Variants in PVT1 observed in about 807,000 individuals in gnomAD.
PVT1 encodes CXCR4/PVT1 fusion.
At chr8:127,998,120 G>A (rs931193912) in intron 4 of PVT1, 3 of 152,192 alleles carry the variant, frequency 2.0e-5, no homozygotes, top group African/African-American at 7.2e-5. Flanking sequence ...CTGCTGTAGT[G>A]GTTGTCAGGT....
chr8:127,830,638 C>T (rs1025728700), intron 2 of PVT1, among the ~76,000 whole-genome samples: 2 of 151,786 alleles, frequency 1.3e-5, no homozygotes, highest in Non-Finnish European at 2.9e-5. Flanking sequence ...AGTCCTAGCA[C>T]GTTGCGGGGC....
intron 2 of PVT1, among the ~76,000 whole-genome samples, chr8:127,799,146 T>C (rs1024166377): frequency 6.6e-6 from 1 of 151,948 alleles, no homozygotes; most frequent in African/African-American, 2.4e-5. Context: ...GGGGGAGGTA[T>C]GGCATATTGT....
chr8:127,900,364 T>TAA (rs111480918), intron 3 of PVT1, among the ~76,000 whole-genome samples: 24 of 149,358 alleles, frequency 1.6e-4, no homozygotes, highest in African/African-American at 5.4e-4. Flanking sequence ...TTAAAGAAAT[T>TAA]TAAAAAAAAA....
chr8:127,815,297 T>C (rs956812262), intron 2 of PVT1, among the ~76,000 whole-genome samples: 2 of 152,214 alleles, frequency 1.3e-5, no homozygotes, highest in African/African-American at 4.8e-5. Flanking sequence ...TATATCTCCG[T>C]TGTAGCCTGT....
At chr8:128,051,502 A>G (rs953018416) in intron 4 of PVT1, among the ~76,000 whole-genome samples, 1 of 152,004 alleles carries the variant, frequency 6.6e-6, no homozygotes, top group Non-Finnish European at 1.5e-5. Context: ...GGAGAGTTCT[A>G]TGTATTTTTT....
intron 3 of PVT1, among the ~76,000 whole-genome samples, chr8:127,916,912 G>A (rs538219074): frequency 2.0e-5 from 3 of 152,278 alleles, no homozygotes; most frequent in African/African-American, 4.8e-5. Context: ...GTATCGTTTC[G>A]GTTCTGATAG....
intron 3 of PVT1, among the ~76,000 whole-genome samples, chr8:127,984,754 A>G (rs749502301): frequency 8.6e-5 from 13 of 152,032 alleles, no homozygotes; most frequent in Admixed American, 2.0e-4. Context: ...TTACAGGCAT[A>G]CGCCACCATG....
intron 2 of PVT1, among the ~76,000 whole-genome samples, chr8:127,805,228 C>T (rs918213900): frequency 6.6e-6 from 1 of 152,080 alleles, no homozygotes; most frequent in African/African-American, 2.4e-5. Context: ...CTGTGCCCAG[C>T]CGTCCATGTC....
chr8:127,950,056 C>T (rs1816486998), intron 3 of PVT1, among the ~76,000 whole-genome samples: 1 of 152,266 alleles, frequency 6.6e-6, no homozygotes, highest in Non-Finnish European at 1.5e-5. Flanking sequence ...CATTAGAAAG[C>T]TCATTTATTG....
intron 3 of PVT1, among the ~76,000 whole-genome samples, chr8:127,927,425 C>G (rs1201104842): frequency 6.6e-6 from 1 of 152,224 alleles, no homozygotes; most frequent in African/African-American, 2.4e-5. Flanking sequence ...TCTTCCTTTT[C>G]TCTCTGACCT....
rs73355262 is a variant in PVT1, at chr8:127,855,302, C to T, written n.373-35287C>T. The stretch of plus-strand genomic sequence containing the variant: ...ATGGAGAAGCAGCTGGGGGCCTTGG[C>T]TGTAAGGACCCCTAAGGGTTAGTGT... On this transcript the variant is annotated intron_variant and non_coding_transcript_variant, in intron 2 of 10. Transcript: ENST00000651587. 4.8e-3 allele frequency: 1,918 copies of T among 398,304 alleles called. 35 individuals carry two copies. Among genetic ancestry groups the T allele is most frequent in the African/African-American group, 0.035 (1,712 of 48,708 alleles). 24.7% of individuals were successfully genotyped at this position (398,304 alleles called of 1,614,324 possible). A position where few individuals can be genotyped will look rare whatever the true frequency, so the allele number is the denominator to read the frequency against.
At chr8:127,953,142 G>C (rs1367173264) in intron 3 of PVT1, among the ~76,000 whole-genome samples, 1 of 152,216 alleles carries the variant, frequency 6.6e-6, no homozygotes, top group Non-Finnish European at 1.5e-5. Flanking sequence ...ACAAGGACCT[G>C]TCTGGAATTT....
intron 4 of PVT1, among the ~76,000 whole-genome samples, chr8:128,068,371 T>A (rs1813937448): frequency 6.6e-6 from 1 of 152,074 alleles, no homozygotes; most frequent in African/African-American, 2.4e-5. Flanking sequence ...ACAGACCTCA[T>A]ATGAGGAAAA....
intron 3 of PVT1, among the ~76,000 whole-genome samples, chr8:127,978,048 G>GCTCTT (rs1316007939): frequency 6.6e-6 from 1 of 152,144 alleles, no homozygotes; most frequent in Non-Finnish European, 1.5e-5. Flanking sequence ...ATGTCTTGTT[G>GCTCTT]CTCTTCTCTT....
intron 2 of PVT1, among the ~76,000 whole-genome samples, chr8:127,889,049 T>TTCCTTCC (rs1277561784): frequency 3.3e-5 from 3 of 90,748 alleles, no homozygotes; most frequent in African/African-American, 1.3e-4. Flanking sequence ...TCTTCCTTCC[T>TTCCTTCC]TCCTTCCTTC....
chr8:128,067,264 C>T (rs1159640296), intron 4 of PVT1, among the ~76,000 whole-genome samples: 3 of 152,164 alleles, frequency 2.0e-5, no homozygotes, highest in African/African-American at 7.2e-5. Flanking sequence ...TTGGTGATAA[C>T]AGGCACTTGA....
intron 3 of PVT1, chr8:127,939,645 C>T (rs532394386): frequency 1.3e-5 from 2 of 152,208 alleles, no homozygotes; most frequent in Non-Finnish European, 2.9e-5. Flanking sequence ...TGGTGTTCCC[C>T]TTTTACTGCC....
intron 2 of PVT1, among the ~76,000 whole-genome samples, chr8:127,836,815 G>A (rs751273397): frequency 1.1e-4 from 17 of 152,098 alleles, no homozygotes; most frequent in Admixed American, 5.2e-4. Flanking sequence ...TCATACCTGG[G>A]CATATGGCTT....
chr8:127,845,029 T>C (rs1184930244), intron 2 of PVT1, among the ~76,000 whole-genome samples: 1 of 152,196 alleles, frequency 6.6e-6, no homozygotes, highest in Admixed American at 6.6e-5. Context: ...GTGTTTTACA[T>C]GCATCTCACT....
Sources: allele counts gnomAD v4.1 joint callset (sites outside exome capture counted in the v4.1 genomes callset), GRCh38; gene constraint gnomAD v4.1.1; transcripts MANE v1.5; gene names NCBI Gene and HGNC (gene_info 2026-07-23, HGNC 2026-07-21).